The following PLAAT5 variants were observed in gnomAD, a reference collection of about 807,000 sequenced individuals.
The protein encoded by PLAAT5 is Ca(2+)-independent N-acyltransferase.
In PLAAT5, 27 loss-of-function variants were observed where a neutral mutation model predicts 27.8. That is an observed-to-expected ratio of 0.97 (90% CI 0.72 to 1.34). The LOEUF is 1.34. Ranked by LOEUF, PLAAT5 falls within the 40% of genes most tolerant of loss-of-function variation. PLAAT5 has a pLI of 0.00. For missense variants in PLAAT5, 368 were observed against 343.8 expected (o/e 1.07, Z -0.56); for synonymous variants, 125 against 136.1 (o/e 0.92, Z 0.57).
chr11:63,486,845 A>ATGTAAAAAACAAAAC (rs1394398015), intron 3 of PLAAT5, among the ~76,000 whole-genome samples: 1 of 152,256 alleles, frequency 6.6e-6, no homozygotes, highest in African/African-American at 2.4e-5. Context: ...AAATATGTAA[A>ATGTAAAAAACAAAAC]TGTAAAAAAC....
At chr11:63,468,570 C>T (rs2015927731) in intron 3 of PLAAT5, 105 bp from the exon 4 acceptor site, 14 of 769,684 alleles carry the variant, frequency 1.8e-5, no homozygotes, top group Non-Finnish European at 2.7e-5. Context: ...CAGTGTGGTT[C>T]ATCACTTCAC....
rs1303513933 is a variant in PLAAT5, at chr11:63,464,041, C to T, written c.718-446G>A. Reference sequence around the variant, plus strand: ...CTTCTTCAGAGGACTTCTTGTAATGCCCTCAGTCCTTGGGGTCTTCATGTG... The same window carrying T: ...CTTCTTCAGAGGACTTCTTGTAATGTCCTCAGTCCTTGGGGTCTTCATGTG... On this transcript the variant is annotated intron_variant, in intron 5 of 5. Transcript: ENST00000540857. Among the ~76,000 whole-genome samples the T allele has an allele frequency of 3.9e-5, 6 of 152,184 alleles. No individual in the cohort carries two copies. The South Asian group carries it at 1.0e-3, about 26-fold the overall frequency.
At chr11:63,482,992 C>A (rs563169708) in intron 3 of PLAAT5, among the ~76,000 whole-genome samples, 12 of 152,076 alleles carry the variant, frequency 7.9e-5, no homozygotes, top group African/African-American at 2.4e-4. Context: ...AAAACAACAA[C>A]GGTTTAAAAA....
intron 3 of PLAAT5, among the ~76,000 whole-genome samples, chr11:63,474,218 A>G (rs2016100131): frequency 6.6e-6 from 1 of 152,192 alleles, no homozygotes; most frequent in African/African-American, 2.4e-5. Flanking sequence ...CTGGCCTCAC[A>G]GAATGAGTTG....
intron 2 of PLAAT5, among the ~76,000 whole-genome samples, chr11:63,489,436 A>G (rs75204695): frequency 0.076 from 11,577 of 152,320 alleles, 1,219 homozygotes; most frequent in African/African-American, 0.23. Flanking sequence ...AACTGCAAGT[A>G]ATATGAATGA....
intron 3 of PLAAT5, among the ~76,000 whole-genome samples, chr11:63,481,800 G>A (rs892905595): frequency 3.3e-5 from 5 of 152,140 alleles, no homozygotes; most frequent in Non-Finnish European, 5.9e-5. Context: ...GCAAACTATC[G>A]CAAGGACAAA....
chr11:63,477,057 C>T (rs2016168570), intron 3 of PLAAT5, among the ~76,000 whole-genome samples: 1 of 152,152 alleles, frequency 6.6e-6, no homozygotes, highest in South Asian at 2.1e-4. Flanking sequence ...TTTCTACCTC[C>T]TTATTAATAT....
At chr11:63,490,122 G>C (rs1041657749) in intron 2 of PLAAT5, 121 bp downstream of exon 2, 4 of 1,306,746 alleles carry the variant, frequency 3.1e-6, no homozygotes, top group Non-Finnish European at 4.3e-6. Context: ...CCCCTTGCTG[G>C]GTACCGGCTG....
At chr11:63,482,011 C>G (rs565346880) in intron 3 of PLAAT5, among the ~76,000 whole-genome samples, 28 of 152,088 alleles carry the variant, frequency 1.8e-4, no homozygotes, top group African/African-American at 6.5e-4. Context: ...ACATATGTAA[C>G]AAACCTGCAC....
At chr11:63,473,189 G>A (rs1476775713) in intron 3 of PLAAT5, among the ~76,000 whole-genome samples, 2 of 152,046 alleles carry the variant, frequency 1.3e-5, no homozygotes, top group Non-Finnish European at 2.9e-5. Flanking sequence ...GCTTTATTGT[G>A]CTTCACAGAT....
intron 3 of PLAAT5, among the ~76,000 whole-genome samples, chr11:63,483,692 T>C (rs1001640372): frequency 9.2e-6 from 1 of 109,116 alleles, no homozygotes; most frequent in Admixed American, 9.0e-5. Flanking sequence ...CTCAAGGAAC[T>C]AGAGAAACAA....
At chr11:63,467,565 A>T (rs536223325) in intron 4 of PLAAT5, among the ~76,000 whole-genome samples, 2 of 152,228 alleles carry the variant, frequency 1.3e-5, no homozygotes, top group Non-Finnish European at 2.9e-5. Context: ...CTGTAATTCA[A>T]CTTTGAACTG....
At position 63,462,610 on chromosome 11, in the gene PLAAT5, G is replaced by A. The variant is rs181962593; in HGVS notation, c.*893C>T. ...TTTCTAGGTATCTCTGGAGGCATAA[G>A]AGAACACTTTTCTAGCTTTTTTGGG... On this transcript the variant is annotated 3_prime_UTR_variant, in exon 6 of 6. Coordinates refer to ENST00000540857, the MANE Select transcript of PLAAT5 (RefSeq NM_001146729.2). The A allele has an allele frequency of 2.0e-5, 3 of 152,246 alleles. No homozygotes were observed. The East Asian group carries it at 5.8e-4, about 29-fold the overall frequency. The allele number at this position is 152,246 out of a possible 1,614,324, so 9.4% of individuals were successfully genotyped here.
rs1777475702 is a variant in PLAAT5 at position 63,461,507 on chromosome 11, T to C, written c.*1996A>G. The C allele has an allele frequency of 3.9e-5, 6 of 152,196 alleles. No homozygotes were observed. Among genetic ancestry groups the C allele is most frequent in the Admixed American group, 2.6e-4 (4 of 15,284 alleles). 9.4% of individuals were successfully genotyped at this position (152,196 alleles called of 1,614,324 possible). On this transcript the variant is annotated 3_prime_UTR_variant, in exon 6 of 6. Coordinates refer to ENST00000540857, the MANE Select transcript of PLAAT5 (RefSeq NM_001146729.2). ...TGAGGAGTGGGCATGTGCTTTATTA[T>C]ATCAACAAGACTAAGAAGCCGCACC...
intron 3 of PLAAT5, among the ~76,000 whole-genome samples, chr11:63,483,784 A>AAT (rs56345803): frequency 4.6e-4 from 30 of 65,652 alleles, no homozygotes; most frequent in Non-Finnish European, 5.0e-4. Flanking sequence ...GCAAAAAAAA[A>AAT]ATATATATAT....
chr11:63,473,861 G>A (rs147336497), intron 3 of PLAAT5, among the ~76,000 whole-genome samples: 183 of 151,814 alleles, frequency 1.2e-3, no homozygotes, highest in African/African-American at 4.2e-3. Context: ...ACAGGCATGC[G>A]TCACCACTCC....
Position 63,466,182 on chromosome 11 carries a change from C to A in PLAAT5, c.645G>T (p.Gln215His). The change falls in exon 5 of 6, where the codon CAG becomes CAT. Residue 215 changes from glutamine to histidine, a missense_variant. Transcript: ENST00000540857. ...RTKKMVNKIV[Q>H]YSLIEGNCEH... ...CACAGTTCCCTTCAATCAGGCTGTA[C>A]TGCACGATCTTGTTGACCATCTTTT... 5 of 1,614,184 alleles carry A rather than the reference C, an allele frequency of 3.1e-6. No individual in the cohort carries two copies. The highest frequency in any genetic ancestry group is 4.2e-6 in the Non-Finnish European group (5 of 1,180,032).
intron 3 of PLAAT5, among the ~76,000 whole-genome samples, chr11:63,469,139 T>A (rs1174118978): frequency 1.6e-4 from 24 of 146,518 alleles, no homozygotes; most frequent in African/African-American, 6.0e-4. Flanking sequence ...TGTGTGTGTG[T>A]GTGTGTGAGA....
intron 3 of PLAAT5, among the ~76,000 whole-genome samples, chr11:63,484,694 T>A (rs1481630106): frequency 1.3e-5 from 2 of 152,078 alleles, no homozygotes; most frequent in African/African-American, 2.4e-5. Context: ...ATTATAGTGA[T>A]TGGGGAAAAG....
Sources: gnomAD v4.1 joint callset for allele counts (sites outside exome capture counted in the v4.1 genomes callset) on GRCh38, gnomAD v4.1.1 for gene constraint, MANE v1.5 for transcripts, NCBI Gene and HGNC (gene_info 2026-07-23, HGNC 2026-07-21) for gene names.